The following UNC80 variants were observed in gnomAD, a reference collection of about 807,000 sequenced individuals.
The protein encoded by UNC80 is protein unc-80 homolog.
A neutral mutation model predicts 384.6 loss-of-function variants in UNC80; 164 were observed. The observed-to-expected ratio is 0.43, with a 90% CI of 0.38 to 0.49. UNC80 has a LOEUF of 0.49. Among genes scored for constraint, UNC80 ranks in the 20% least tolerant of loss-of-function variants. The pLI, the probability that UNC80 is intolerant of heterozygous loss-of-function variation, is 0.00. For missense variants in UNC80, 3,330 were observed against 4,143.0 expected (o/e 0.80, Z 5.39); for synonymous variants, 1,486 against 1,527.8 (o/e 0.97, Z 0.64).
Position 209,891,892 on chromosome 2 carries a change from G to C in UNC80, c.4277-2271G>C, listed in dbSNP as rs535973105. 3.3e-5 allele frequency among the ~76,000 whole-genome samples: 5 copies of C among 152,164 alleles called. No individual in the cohort carries two copies. The East Asian group carries it at 9.7e-4, about 29-fold the overall frequency. ...CAGTTTTTAAAATTTTATACCATTT[G>C]GTTTTGTAAAACCTTAAGATGCCAG... On this transcript the variant is annotated intron_variant, in intron 26 of 64. Transcript: ENST00000673920.
chr2:209,779,368 C>T (rs2077035444), intron 4 of UNC80, among the ~76,000 whole-genome samples: 1 of 152,116 alleles, frequency 6.6e-6, no homozygotes, highest in South Asian at 2.1e-4. Flanking sequence ...ACCTTCTACA[C>T]TCAGATTTTC....
intron 36 of UNC80, among the ~76,000 whole-genome samples, chr2:209,927,558 C>A (rs938594123): frequency 6.6e-6 from 1 of 152,184 alleles, no homozygotes; most frequent in Non-Finnish European, 1.5e-5. Context: ...CACCTGGAGA[C>A]AACATCGTTG....
At position 209,976,292 on chromosome 2, in the gene UNC80, A is replaced by G; in HGVS notation, c.8761A>G (p.Ile2921Val). ...CATCTTTGTGCTTTTGCGCCCTTTCATCCAGTGCAAGGTGTGGTGTGTGCT... is the reference window on the plus strand; with the variant it reads ...CATCTTTGTGCTTTTGCGCCCTTTCGTCCAGTGCAAGGTGTGGTGTGTGCT... The part of the protein sequence containing the change: ...IPIFVLLRPF[I>V]QCKLLAQPAE... Residue 2921 changes from isoleucine (I) to valine (V), a missense_variant, in exon 57 of 65, where the codon ATC (isoleucine) becomes GTC (valine). Ile to Val is a conservative substitution (Grantham distance 29). Around this residue, in one of 8 missense-constraint regions of UNC80, gnomAD observed 216 missense variants for 245.3 expected, o/e 0.88. Coordinates refer to ENST00000673920, the MANE Select transcript of UNC80 (RefSeq NM_001371986.1). This position sits in a 1 kb window ranked among gnomAD's most constrained non-coding sequence, Gnocchi z 4.3. 1.3e-6 allele frequency: 2 copies of G among 1,551,666 alleles called. No homozygotes were observed. Among genetic ancestry groups the G allele is most frequent in the Non-Finnish European group, 1.7e-6 (2 of 1,147,008 alleles).
At chr2:209,917,998 C>T (rs750912745) in intron 32 of UNC80, 40 bp downstream of exon 32, 6 of 1,540,996 alleles carry the variant, frequency 3.9e-6, no homozygotes, top group Non-Finnish European at 5.3e-6. Context: ...ATTAGCAAAC[C>T]CAACCCAAGG....
Position 209,945,960 on chromosome 2 carries a change from A to T in UNC80, c.7286+17A>T, listed in dbSNP as rs1467762376. On this transcript the variant is annotated intron_variant, in intron 47 of 64. Coordinates refer to ENST00000673920, the MANE Select transcript of UNC80 (RefSeq NM_001371986.1). ...ATTCAGAAGGTATCTGCAGCCCTTTATTCTGTGCCTTGTGATAAGTAAATA... is the reference window on the plus strand; with the variant it reads ...ATTCAGAAGGTATCTGCAGCCCTTTTTTCTGTGCCTTGTGATAAGTAAATA... 1.3e-6 allele frequency: 2 copies of T among 1,512,144 alleles called. No homozygotes were observed. Among genetic ancestry groups the T allele is most frequent in the Non-Finnish European group, 1.8e-6 (2 of 1,112,254 alleles). 93.7% of individuals were successfully genotyped at this position (1,512,144 alleles called of 1,614,324 possible). A position where few individuals can be genotyped will look rare whatever the true frequency, so the allele number is the denominator to read the frequency against.
intron 36 of UNC80, among the ~76,000 whole-genome samples, chr2:209,929,265 G>T (rs1048880618): frequency 6.6e-6 from 1 of 152,066 alleles, no homozygotes; most frequent in Non-Finnish European, 1.5e-5. Context: ...CTTAGTCTGG[G>T]TACTTCTAGA....
intron 7 of UNC80, among the ~76,000 whole-genome samples, chr2:209,803,419 T>G (rs1385871703): frequency 1.3e-5 from 2 of 152,200 alleles, no homozygotes; most frequent in Admixed American, 1.3e-4. Context: ...TAAATCAGAT[T>G]TGGGGAAAGG....
chr2:209,915,978 C>T (rs2089491911), intron 31 of UNC80, among the ~76,000 whole-genome samples: 4 of 152,056 alleles, frequency 2.6e-5, no homozygotes, highest in Middle Eastern at 3.4e-3. Flanking sequence ...AACAAAATAC[C>T]ACATGTACTC....
intron 4 of UNC80, among the ~76,000 whole-genome samples, chr2:209,782,090 A>C (rs11680007): frequency 0.15 from 22,289 of 152,140 alleles, 2,454 homozygotes; most frequent in African/African-American, 0.3. Context: ...CCTTTACTTG[A>C]GCCACTTTCT....
intron 22 of UNC80, among the ~76,000 whole-genome samples, chr2:209,861,127 G>A (rs2083317720): frequency 6.6e-6 from 1 of 152,182 alleles, no homozygotes; most frequent in South Asian, 2.1e-4. Context: ...TCTTGTACTG[G>A]TTTTCAAAGG....
intron 24 of UNC80, 41 bp from the exon 25 acceptor site, chr2:209,880,919 TG>T (rs200736696): frequency 0.019 from 29,154 of 1,541,618 alleles, 359 homozygotes; most frequent in Non-Finnish European, 0.022. Flanking sequence ...CTGTATTTTT[TG>T]TTGATTTGTC....
In UNC80 at chr2:209,809,153, C is replaced by T. The variant is rs1574535146; in HGVS notation, c.939-4427C>T. The T allele has an allele frequency of 2.3e-5, 14 of 605,348 alleles. No individual in the cohort carries two copies. The East Asian group carries it at 4.1e-4, about 18-fold the overall frequency. 37.5% of individuals were successfully genotyped at this position (605,348 alleles called of 1,614,324 possible). A position where few individuals can be genotyped will look rare whatever the true frequency, so the allele number is the denominator to read the frequency against. ...TCCACTTCAGCTTCTTCCTTGGAGG[C>T]GGAGGCCGATACCACCTTCCCAGGC... On this transcript the variant is annotated intron_variant, in intron 7 of 64. Coordinates refer to ENST00000673920, the MANE Select transcript of UNC80 (RefSeq NM_001371986.1).
intron 61 of UNC80, among the ~76,000 whole-genome samples, chr2:209,991,147 G>C (rs540555605): frequency 6.6e-6 from 1 of 152,320 alleles, no homozygotes; most frequent in African/African-American, 2.4e-5. Context: ...TCCCTGGGCA[G>C]TTGCTGACTC....
At chr2:209,871,954 CAGTT>C (rs1275001778) in intron 22 of UNC80, among the ~76,000 whole-genome samples, 1 of 150,558 alleles carries the variant, frequency 6.6e-6, no homozygotes, top group Non-Finnish European at 1.5e-5. Flanking sequence ...ATAATCCAGT[CAGTT>C]ATTTATGACA....
Position 209,819,155 on chromosome 2 carries a change from C to T in UNC80, c.1856C>T (p.Pro619Leu). The stretch of plus-strand genomic sequence containing the variant: ...GAACCTCTGGCATGTGCTAACCTAC[C>T]TCGAAGCCTCACAGACTCCTGCATA... ...PHEPLACANL[P>L]RSLTDSCINY... Residue 619 changes from proline (P) to leucine (L), a missense_variant, in exon 12 of 65, where the codon CCT becomes CTT. Physicochemically the swap from Pro to Leu is moderately conservative, Grantham distance 98. Coordinates refer to ENST00000673920, the MANE Select transcript of UNC80 (RefSeq NM_001371986.1). 1 of 1,552,204 alleles carries T rather than the reference C, an allele frequency of 6.4e-7. No individual in the cohort carries two copies. Among genetic ancestry groups the T allele is most frequent in the Non-Finnish European group, 8.7e-7 (1 of 1,147,108 alleles).
chr2:209,916,577 A>T (rs1462192580), intron 31 of UNC80, among the ~76,000 whole-genome samples: 4 of 152,200 alleles, frequency 2.6e-5, no homozygotes, highest in Admixed American at 2.6e-4. Flanking sequence ...TGGAGACTTA[A>T]ACACCTAGTA....
At chr2:209,984,728 C>G in intron 60 of UNC80, 128 bp from the exon 61 acceptor site, 1 of 877,402 alleles carries the variant, frequency 1.1e-6, no homozygotes, top group Non-Finnish European at 1.7e-6. Context: ...TCTCCTTTTC[C>G]TTCCTTGTTC....
intron 22 of UNC80, among the ~76,000 whole-genome samples, chr2:209,854,005 T>A (rs949049349): frequency 6.6e-6 from 1 of 152,074 alleles, no homozygotes; most frequent in Non-Finnish European, 1.5e-5. Flanking sequence ...TCAATAATTA[T>A]GTGAGGAAAA....
chr2:209,952,702 C>A (rs2092241479), intron 47 of UNC80, among the ~76,000 whole-genome samples: 1 of 152,152 alleles, frequency 6.6e-6, no homozygotes, highest in African/African-American at 2.4e-5. Context: ...TATCTGCTAG[C>A]CTTAGCTTCT....
Sources: allele counts gnomAD v4.1 joint callset (sites outside exome capture counted in the v4.1 genomes callset), GRCh38; gene constraint gnomAD v4.1.1; regional missense constraint gnomAD v4.1.1; non-coding constraint Gnocchi (gnomAD v3.1); transcripts MANE v1.5; gene names NCBI Gene and HGNC (gene_info 2026-07-23, HGNC 2026-07-21).